SORCS3: variants seen among roughly 807,000 people sequenced by gnomAD.
SORCS3 encodes VPS10 domain-containing receptor SorCS3.
In SORCS3, 57 loss-of-function variants were observed where a neutral mutation model predicts 146.3. The ratio of observed to expected loss-of-function variants is 0.39; its 90% CI spans 0.31 to 0.49. SORCS3 has a LOEUF of 0.49. Among genes scored for constraint, SORCS3 ranks in the 20% least tolerant of loss-of-function variants. The pLI is 0.92. For synonymous variants in SORCS3, 653 were observed against 618.5 expected, an observed-to-expected ratio of 1.06 and a Z score of -0.83; for missense variants, 1,341 against 1,575.5, an observed-to-expected ratio of 0.85 and a Z score of 2.52.
At chr10:104,759,492 A>C (rs1013248383) in intron 1 of SORCS3, among the ~76,000 whole-genome samples, 13 of 152,216 alleles carry the variant, frequency 8.5e-5, no homozygotes, top group Non-Finnish European at 2.9e-5. Flanking sequence ...CTGCCATTCC[A>C]ACAGAACAGG....
intron 1 of SORCS3, among the ~76,000 whole-genome samples, chr10:104,790,647 T>A (rs2017486073): frequency 6.6e-6 from 1 of 152,224 alleles, no homozygotes; most frequent in East Asian, 1.9e-4. Context: ...GTCCATGTTT[T>A]TTTTCCCCCT....
chr10:104,948,449 T>C (rs1453769812), intron 3 of SORCS3, among the ~76,000 whole-genome samples: 2 of 152,166 alleles, frequency 1.3e-5, no homozygotes, highest in East Asian at 3.8e-4. Flanking sequence ...GTAAGTGGAA[T>C]AGAATGAGGA....
At chr10:104,874,745 T>G (rs184626620) in intron 2 of SORCS3, among the ~76,000 whole-genome samples, 10 of 152,286 alleles carry the variant, frequency 6.6e-5, no homozygotes, top group African/African-American at 2.2e-4. Flanking sequence ...GTACATCTCA[T>G]CATATTCTTT....
At chr10:104,938,411 G>T (rs970533393) in intron 3 of SORCS3, among the ~76,000 whole-genome samples, 1 of 152,252 alleles carries the variant, frequency 6.6e-6, no homozygotes, top group East Asian at 1.9e-4. Flanking sequence ...TGGGGTTAAA[G>T]CTCCTTCGTA....
chr10:105,120,272 C>T (rs1229594066), intron 7 of SORCS3, among the ~76,000 whole-genome samples: 1 of 152,112 alleles, frequency 6.6e-6, no homozygotes, highest in Non-Finnish European at 1.5e-5. Context: ...TTTCCTGAGG[C>T]CTTTCCAGCC....
intron 1 of SORCS3, among the ~76,000 whole-genome samples, chr10:104,670,253 G>A (rs1286535877): frequency 1.3e-5 from 2 of 151,768 alleles, no homozygotes; most frequent in East Asian, 1.9e-4. Context: ...TCTTTTGTTG[G>A]CTATGCCTTT....
In SORCS3 at chr10:105,067,680, C is replaced by T. The variant is rs565902144; in HGVS notation, c.1029-22095C>T. Among the ~76,000 whole-genome samples the T allele has an allele frequency of 1.2e-4, 18 of 152,286 alleles. No individual in the cohort carries two copies. The East Asian group carries it at 2.5e-3, about 21-fold the overall frequency. On this transcript the variant is annotated intron_variant, in intron 5 of 26. Transcript: ENST00000369701. ...TTAAACCCACTCCCATCTGGTTCCT[C>T]CACCACTACTTCCTTTACTGCAACC...
At chr10:104,975,267 C>A (rs1306287027) in intron 3 of SORCS3, among the ~76,000 whole-genome samples, 1 of 152,066 alleles carries the variant, frequency 6.6e-6, no homozygotes, top group Non-Finnish European at 1.5e-5. Context: ...ACACCAATAA[C>A]AGACAAGCAG....
intron 1 of SORCS3, among the ~76,000 whole-genome samples, chr10:104,696,415 T>TATATA (rs1188831165): frequency 2.3e-5 from 2 of 85,332 alleles, no homozygotes; most frequent in African/African-American, 9.4e-5. Context: ...ATATAGAATA[T>TATATA]ATATAATATA....
At chr10:105,191,013 T>C (rs557827581) in intron 14 of SORCS3, among the ~76,000 whole-genome samples, 1 of 152,170 alleles carries the variant, frequency 6.6e-6, no homozygotes, top group Non-Finnish European at 1.5e-5. Flanking sequence ...CCCTCTGTAG[T>C]TCCAGGATTG....
intron 4 of SORCS3, among the ~76,000 whole-genome samples, chr10:104,981,855 A>G (rs1030960624): frequency 1.3e-5 from 2 of 152,136 alleles, no homozygotes; most frequent in Non-Finnish European, 2.9e-5. Flanking sequence ...TACCGTTTAT[A>G]TTCTTGGCAA....
intron 1 of SORCS3, among the ~76,000 whole-genome samples, chr10:104,655,799 C>A (rs1235800151): frequency 2.0e-5 from 3 of 152,188 alleles, no homozygotes; most frequent in Non-Finnish European, 2.9e-5. Context: ...GCTCCTGCTT[C>A]TTCCGTGTAA....
chr10:104,821,093 C>T (rs2017867697), intron 1 of SORCS3, among the ~76,000 whole-genome samples: 1 of 152,188 alleles, frequency 6.6e-6, no homozygotes. Context: ...AGTATTTGTA[C>T]TCCGGCTTGT....
chr10:105,027,537 G>C (rs2055239129), intron 4 of SORCS3, among the ~76,000 whole-genome samples: 1 of 152,080 alleles, frequency 6.6e-6, no homozygotes, highest in Non-Finnish European at 1.5e-5. Flanking sequence ...ACCTGCTGCA[G>C]TTTATTTGTA....
chr10:104,928,809 A>G (rs1525386), intron 3 of SORCS3, among the ~76,000 whole-genome samples: 42,805 of 151,816 alleles, frequency 0.28, 7,871 homozygotes, highest in African/African-American at 0.53. Flanking sequence ...TCAGTGACAA[A>G]TGAAGGCCTT....
At chr10:104,686,602 G>T (rs2016046126) in intron 1 of SORCS3, among the ~76,000 whole-genome samples, 1 of 152,086 alleles carries the variant, frequency 6.6e-6, no homozygotes, top group Non-Finnish European at 1.5e-5. Flanking sequence ...GGATTCAGAA[G>T]GCCACACAAG....
intron 5 of SORCS3, among the ~76,000 whole-genome samples, chr10:105,049,225 A>G (rs1255493397): frequency 4.6e-5 from 7 of 152,106 alleles, no homozygotes; most frequent in Non-Finnish European, 1.0e-4. Flanking sequence ...ACAAAGAAGC[A>G]TTACATCAGC....
intron 4 of SORCS3, among the ~76,000 whole-genome samples, chr10:105,034,635 A>G (rs2055293877): frequency 6.6e-6 from 1 of 152,178 alleles, no homozygotes. Context: ...TCTTCCAGAG[A>G]GGAGGATACT....
chr10:104,857,595 A>G (rs2018348560), intron 2 of SORCS3, among the ~76,000 whole-genome samples: 1 of 152,358 alleles, frequency 6.6e-6, no homozygotes, highest in East Asian at 1.9e-4. Context: ...GCAGGAAGTC[A>G]AAGTTCAGAG....
Sources: allele counts gnomAD v4.1 joint callset (sites outside exome capture counted in the v4.1 genomes callset), GRCh38; gene constraint gnomAD v4.1.1; transcripts MANE v1.5; gene names NCBI Gene and HGNC (gene_info 2026-07-23, HGNC 2026-07-21).